RRAGD: variants seen among roughly 807,000 people sequenced by gnomAD.
The protein encoded by RRAGD is ras-related GTP-binding protein D.
RRAGD carries 12 observed loss-of-function variants against 35.5 expected under a neutral mutation model. That is an observed-to-expected ratio of 0.34 (90% CI 0.22 to 0.55). The LOEUF (loss-of-function observed/expected upper bound fraction) is 0.55. Among genes scored for constraint, RRAGD ranks in the 20% least tolerant of loss-of-function variants. The pLI is 0.91. For missense variants in RRAGD, 324 were observed against 490.1 expected (o/e 0.66, Z 3.20); for synonymous variants, 155 against 178.9 (o/e 0.87, Z 1.07).
At position 89,411,153 on chromosome 6, in the gene RRAGD, C is replaced by G. The variant is rs1769683935; in HGVS notation, c.148+693G>C. On this transcript the variant is annotated intron_variant, in intron 1 of 6. Coordinates refer to ENST00000369415, the MANE Select transcript of RRAGD (RefSeq NM_021244.5). The surrounding 1 kb of genome is among the most constrained non-coding windows in gnomAD (Gnocchi z 5.6). ...TGCTTCACTATTGAAGCAAAGAATT[C>G]CCCGCCGCGCGCTCACTCCCGGGCA... 6.6e-6 allele frequency among the ~76,000 whole-genome samples: 1 copy of G among 152,256 alleles called. No individual in the cohort carries two copies. Among genetic ancestry groups the G allele is most frequent in the Non-Finnish European group, 1.5e-5 (1 of 68,050 alleles).
chr6:89,406,758 G>T (rs535609770), intron 1 of RRAGD, among the ~76,000 whole-genome samples: 1 of 152,192 alleles, frequency 6.6e-6, no homozygotes, highest in Non-Finnish European at 1.5e-5. Flanking sequence ...AACTGAGCTG[G>T]TTAACACAAG....
intron 2 of RRAGD, among the ~76,000 whole-genome samples, chr6:89,385,631 C>G (rs1562453354): frequency 6.6e-6 from 1 of 152,086 alleles, no homozygotes; most frequent in Non-Finnish European, 1.5e-5. Flanking sequence ...GACAGCAGGC[C>G]CTGGACGTGG....
intron 5 of RRAGD, among the ~76,000 whole-genome samples, chr6:89,375,084 G>A (rs947831510): frequency 6.6e-6 from 1 of 152,056 alleles, no homozygotes; most frequent in African/African-American, 2.4e-5. Flanking sequence ...TTATCAGGTG[G>A]TAATGTTAAA....
In RRAGD at chr6:89,412,009, G is replaced by T; in HGVS notation, c.-16C>A. 1 of 1,523,658 alleles carries T rather than the reference G, an allele frequency of 6.6e-7. No individual in the cohort carries two copies. The highest frequency in any genetic ancestry group is 8.8e-7 in the Non-Finnish European group (1 of 1,140,582). The allele number at this position is 1,523,658 out of a possible 1,614,324, so 94.4% of individuals were successfully genotyped here. ...CCTGGCTCATCGTGCCCACCGGCCG[G>T]CCGGCCCGGGGACGGCGGGGGTCCC... On this transcript the variant is annotated 5_prime_UTR_variant, in exon 1 of 7. Transcript: ENST00000369415. The surrounding 1 kb of genome is among the most constrained non-coding windows in gnomAD (Gnocchi z 4.2).
intron 2 of RRAGD, among the ~76,000 whole-genome samples, chr6:89,384,243 A>G (rs1769099964): frequency 6.6e-6 from 1 of 152,250 alleles, no homozygotes; most frequent in Non-Finnish European, 1.5e-5. Flanking sequence ...TGCTTCCAAC[A>G]GAAAAGTATA....
chr6:89,374,691 T>C (rs1354225765), intron 5 of RRAGD, among the ~76,000 whole-genome samples: 3 of 151,654 alleles, frequency 2.0e-5, no homozygotes, highest in Non-Finnish European at 2.9e-5. Flanking sequence ...GATCATGCCA[T>C]TGCACTCCAG....
intron 5 of RRAGD, 31 bp from the exon 6 acceptor site, chr6:89,372,616 C>T (rs181447775): frequency 4.6e-6 from 7 of 1,505,516 alleles, no homozygotes; most frequent in Middle Eastern, 1.8e-4. Context: ...AAACATGTGA[C>T]CATTGAGAAA....
At position 89,411,787 on chromosome 6, in the gene RRAGD, G is replaced by C; in HGVS notation, c.148+59C>G. On this transcript the variant is annotated intron_variant, in intron 1 of 6. Coordinates refer to ENST00000369415, the MANE Select transcript of RRAGD (RefSeq NM_021244.5). The surrounding 1 kb of genome is among the most constrained non-coding windows in gnomAD (Gnocchi z 5.6). ...CTCGCGCACGGCCGGGCTGGGGGCG[G>C]GAAGGCGCCAAGGGGAGGAAAGGGG... The C allele has an allele frequency of 4.0e-6, 6 of 1,500,880 alleles. No homozygotes were observed. Among genetic ancestry groups the C allele is most frequent in the Non-Finnish European group, 5.3e-6 (6 of 1,124,856 alleles). The allele number at this position is 1,500,880 out of a possible 1,614,324, so 93.0% of individuals were successfully genotyped here.
At chr6:89,372,358 C>A in intron 6 of RRAGD, 79 bp downstream of exon 6, 2 of 1,443,730 alleles carry the variant, frequency 1.4e-6, no homozygotes, top group Non-Finnish European at 9.4e-7. Flanking sequence ...TGTTGTCCAC[C>A]CACATTCAAC....
At chr6:89,374,633 G>A (rs886502669) in intron 5 of RRAGD, among the ~76,000 whole-genome samples, 1 of 152,100 alleles carries the variant, frequency 6.6e-6, no homozygotes, top group Admixed American at 6.5e-5. Flanking sequence ...GGGAGGCTGA[G>A]GGAGGAGAAT....
intron 4 of RRAGD, among the ~76,000 whole-genome samples, chr6:89,378,303 A>T (rs928426764): frequency 9.9e-6 from 1 of 100,944 alleles, no homozygotes; most frequent in African/African-American, 6.5e-5. Flanking sequence ...ACTCCGTCTC[A>T]AAAAAAAAAA....
intron 5 of RRAGD, among the ~76,000 whole-genome samples, chr6:89,373,571 T>C (rs926797657): frequency 6.6e-6 from 1 of 151,164 alleles, no homozygotes; most frequent in Non-Finnish European, 1.5e-5. Context: ...TGAGCCGAGA[T>C]TGTGCCACTG....
Position 89,368,300 on chromosome 6 carries a change from C to A in RRAGD, c.1052-93G>T, listed in dbSNP as rs2127882814. On this transcript the variant is annotated intron_variant, in intron 6 of 6. Transcript: ENST00000369415. Reference sequence around the variant, plus strand: ...ATGGCCAGGACAAGCCAGTAGGGGGCAGTAGAGGATGGTCTTAGCGTAAGG... The same window carrying A: ...ATGGCCAGGACAAGCCAGTAGGGGGAAGTAGAGGATGGTCTTAGCGTAAGG... The A allele has an allele frequency of 4.3e-6, 5 of 1,152,848 alleles. No homozygotes were observed. The South Asian group carries it at 4.5e-5, about 10-fold the overall frequency. The allele number at this position is 1,152,848 out of a possible 1,614,324, so 71.4% of individuals were successfully genotyped here.
At chr6:89,374,462 C>T (rs999174113) in intron 5 of RRAGD, among the ~76,000 whole-genome samples, 1 of 152,116 alleles carries the variant, frequency 6.6e-6, no homozygotes, top group Non-Finnish European at 1.5e-5. Context: ...AGGGTGGGCA[C>T]GGTGGCTCAG....
chr6:89,391,445 T>G (rs149346126), intron 1 of RRAGD, among the ~76,000 whole-genome samples: 2 of 151,888 alleles, frequency 1.3e-5, no homozygotes. Flanking sequence ...AAGTACCAAT[T>G]CATGCTACAA....
chr6:89,381,614 G>A (rs1769045174), intron 2 of RRAGD, among the ~76,000 whole-genome samples: 1 of 152,066 alleles, frequency 6.6e-6, no homozygotes, highest in Non-Finnish European at 1.5e-5. Context: ...GTTTAAAAAT[G>A]GAAAGAAATA....
chr6:89,396,106 C>T (rs536730676), intron 1 of RRAGD, among the ~76,000 whole-genome samples: 9 of 152,132 alleles, frequency 5.9e-5, no homozygotes, highest in African/African-American at 1.2e-4. Flanking sequence ...TGACACCCTC[C>T]CCCAAAAATT....
chr6:89,368,302 G>A (rs532919020), intron 6 of RRAGD, 95 bp from the exon 7 acceptor site: 3 of 1,096,210 alleles, frequency 2.7e-6, no homozygotes, highest in East Asian at 4.9e-5. Flanking sequence ...GTAGGGGGCA[G>A]TAGAGGATGG....
intron 1 of RRAGD, among the ~76,000 whole-genome samples, chr6:89,393,658 T>C (rs1219345932): frequency 1.3e-5 from 2 of 152,200 alleles, no homozygotes; most frequent in Non-Finnish European, 2.9e-5. Context: ...CCATCTTCCC[T>C]CCAACATTTC....
Sources: allele counts gnomAD v4.1 joint callset (sites outside exome capture counted in the v4.1 genomes callset), GRCh38; gene constraint gnomAD v4.1.1; non-coding constraint Gnocchi (gnomAD v3.1); transcripts MANE v1.5; gene names NCBI Gene and HGNC (gene_info 2026-07-23, HGNC 2026-07-21).